Variants in ZBTB8OS observed in about 807,000 individuals in gnomAD.
ZBTB8OS encodes the protein tRNA-splicing ligase-activating factor archease.
ZBTB8OS carries 16 observed loss-of-function variants against 29.3 expected under a neutral mutation model. That is an observed-to-expected ratio of 0.55 (90% CI 0.37 to 0.83). ZBTB8OS has a LOEUF of 0.83. Ranked by LOEUF, ZBTB8OS falls within the 40% of genes least tolerant of loss-of-function variation. ZBTB8OS has a pLI of 0.00. For missense variants in ZBTB8OS, 160 were observed against 196.9 expected (o/e 0.81, Z 1.12); for synonymous variants, 70 against 64.6 (o/e 1.08, Z -0.40).
intron 6 of ZBTB8OS, among the ~76,000 whole-genome samples, chr1:32,624,792 G>A (rs1278354655): frequency 6.6e-6 from 1 of 151,928 alleles, no homozygotes; most frequent in Non-Finnish European, 1.5e-5. Flanking sequence ...TACTCAGGAG[G>A]CAGAGACAGG....
In ZBTB8OS at chr1:32,648,213, T is replaced by C. The variant is rs1365451148; in HGVS notation, c.97+2220A>G. Among the ~76,000 whole-genome samples the C allele has an allele frequency of 2.0e-5, 3 of 152,218 alleles. No homozygotes were observed. The East Asian group carries it at 5.8e-4, about 29-fold the overall frequency. On this transcript the variant is annotated intron_variant, in intron 1 of 6. Coordinates refer to ENST00000468695, the MANE Select transcript of ZBTB8OS (RefSeq NM_178547.5). ...AAAGATAAAAAAGTATGGTAACAAT[T>C]AGTAGAAGTGGGAGGAAAGAGGCAC... is the stretch of plus-strand genomic sequence containing the variant.
At chr1:32,635,335 G>A (rs1356368493) in intron 1 of ZBTB8OS, among the ~76,000 whole-genome samples, 19 of 150,442 alleles carry the variant, frequency 1.3e-4, no homozygotes, top group African/African-American at 3.9e-4. Flanking sequence ...ACAGTGGCGC[G>A]ATCTTGGCTC....
intron 1 of ZBTB8OS, among the ~76,000 whole-genome samples, chr1:32,646,766 G>T (rs1283003293): frequency 1.3e-5 from 2 of 151,540 alleles, no homozygotes; most frequent in Non-Finnish European, 2.9e-5. Context: ...GCCGGGAGTG[G>T]TGGCTCATGC....
At chr1:32,644,962 C>T (rs975328144) in intron 1 of ZBTB8OS, among the ~76,000 whole-genome samples, 2 of 151,802 alleles carry the variant, frequency 1.3e-5, no homozygotes, top group Admixed American at 6.6e-5. Context: ...GGGCAGATCA[C>T]GAGGTCAAGA....
At chr1:32,630,319 G>A (rs957102125) in intron 5 of ZBTB8OS, among the ~76,000 whole-genome samples, 1 of 152,190 alleles carries the variant, frequency 6.6e-6, no homozygotes, top group East Asian at 1.9e-4. Context: ...TTGAACTCTG[G>A]AGGCAGAGGT....
chr1:32,640,917 C>G (rs993221073), intron 1 of ZBTB8OS, among the ~76,000 whole-genome samples: 1 of 151,260 alleles, frequency 6.6e-6, no homozygotes, highest in Non-Finnish European at 1.5e-5. Flanking sequence ...GTAATCCCAA[C>G]ACTTTGGGAG....
At chr1:32,650,604 G>T, upstream of ZBTB8OS, 1 of 1,612,030 alleles carries the variant, frequency 6.2e-7, no homozygotes, top group Non-Finnish European at 8.5e-7. Context: ...TTCCGCTCTA[G>T]ACTCCGCCCC....
intron 5 of ZBTB8OS, among the ~76,000 whole-genome samples, chr1:32,629,543 T>G (rs1025560377): frequency 1.3e-5 from 2 of 152,150 alleles, no homozygotes; most frequent in African/African-American, 4.8e-5. Flanking sequence ...CAGTCCGAAC[T>G]TGGTTTACAC....
chr1:32,648,744 C>CA (rs1361114220), intron 1 of ZBTB8OS, among the ~76,000 whole-genome samples: 6 of 151,598 alleles, frequency 4.0e-5, no homozygotes, highest in Middle Eastern at 3.5e-3. Flanking sequence ...CTGCAACCTC[C>CA]GCCTCCCAGG....
At chr1:32,638,434 G>A (rs1438712420) in intron 1 of ZBTB8OS, among the ~76,000 whole-genome samples, 17 of 150,898 alleles carry the variant, frequency 1.1e-4, no homozygotes, top group Admixed American at 4.0e-4. Context: ...CTTGTAATCC[G>A]CCCACCTCAG....
chr1:32,621,533 A>G lies in ZBTB8OS; in HGVS notation c.*329T>C, dbSNP rs538330751. 5.1e-4 allele frequency: 119 copies of G among 231,470 alleles called. No individual in the cohort carries two copies. The South Asian group carries it at 6.8e-3, about 13-fold the overall frequency. The allele number at this position is 231,470 out of a possible 1,614,324, so 14.3% of individuals were successfully genotyped here. Reference sequence around the variant, plus strand: ...GATTCAGCCTCAGGCTGCTGCTGACATCAGTGATCCTCTCTGGGGTGAGGC... The same window carrying G: ...GATTCAGCCTCAGGCTGCTGCTGACGTCAGTGATCCTCTCTGGGGTGAGGC... On this transcript the variant is annotated 3_prime_UTR_variant, in exon 7 of 7. Transcript: ENST00000468695.
Position 32,634,760 on chromosome 1 carries a change from ATAC to A in ZBTB8OS, c.122+5_122+7del, listed in dbSNP as rs765844473. The A allele has an allele frequency of 6.2e-7, 1 of 1,613,990 alleles. No homozygotes were observed. Among genetic ancestry groups the A allele is most frequent in the Non-Finnish European group, 8.5e-7 (1 of 1,179,894 alleles). ...GGTTTCAAAGGAATGAACTCCCGCTATACTCACTGGACATCTGCTGTATGATCC... is the reference window on the plus strand; with the variant it reads ...GGTTTCAAAGGAATGAACTCCCGCTATCACTGGACATCTGCTGTATGATCC... On this transcript the variant is annotated splice_donor_5th_base_variant and intron_variant, in intron 2 of 6. Transcript: ENST00000468695.
chr1:32,647,167 G>A (rs954956247), intron 1 of ZBTB8OS, among the ~76,000 whole-genome samples: 2 of 148,744 alleles, frequency 1.3e-5, no homozygotes, highest in African/African-American at 5.0e-5. Context: ...TTGGAAGTTC[G>A]AGACCACCCT....
chr1:32,634,236 A>T, intron 2 of ZBTB8OS, 164 bp from the exon 3 acceptor site: 1 of 504,928 alleles, frequency 2.0e-6, no homozygotes. Context: ...TTATTTATTT[A>T]TGATTTTTTA....
intron 1 of ZBTB8OS, among the ~76,000 whole-genome samples, chr1:32,640,264 T>C (rs1646297157): frequency 6.6e-6 from 1 of 151,904 alleles, no homozygotes; most frequent in African/African-American, 2.4e-5. Flanking sequence ...GCCTGGCTAA[T>C]TATTTTTTTG....
chr1:32,632,372 T>C (rs895717839), intron 4 of ZBTB8OS: 1 of 152,236 alleles, frequency 6.6e-6, no homozygotes, highest in East Asian at 1.9e-4. Flanking sequence ...ATTAAAATGT[T>C]AGCTAAAATA....
intron 1 of ZBTB8OS, among the ~76,000 whole-genome samples, chr1:32,646,336 AT>A (rs902817171): frequency 1.9e-4 from 28 of 150,512 alleles, no homozygotes; most frequent in African/African-American, 4.9e-4. Flanking sequence ...AAAAAAAAAG[AT>A]TTTTTTTTCT....
At chr1:32,639,311 A>G (rs1030532792) in intron 1 of ZBTB8OS, among the ~76,000 whole-genome samples, 1 of 148,514 alleles carries the variant, frequency 6.7e-6, no homozygotes, top group Non-Finnish European at 1.5e-5. Context: ...AAAAAAAATA[A>G]AAAAAAAAAA....
At chr1:32,630,787 A>G (rs1442959796) in intron 5 of ZBTB8OS, among the ~76,000 whole-genome samples, 1 of 151,318 alleles carries the variant, frequency 6.6e-6, no homozygotes, top group South Asian at 2.1e-4. Flanking sequence ...TGATGCGGGC[A>G]GATCACCTGA....
Sources: allele counts gnomAD v4.1 joint callset (sites outside exome capture counted in the v4.1 genomes callset), GRCh38; gene constraint gnomAD v4.1.1; transcripts MANE v1.5; gene names NCBI Gene and HGNC (gene_info 2026-07-23, HGNC 2026-07-21).